The following TMPRSS12 variants were observed in gnomAD, a reference collection of about 807,000 sequenced individuals.
TMPRSS12 encodes the protein transmembrane protease serine 12.
Under a neutral mutation model 26.0 loss-of-function variants are expected in TMPRSS12, and 25 were observed. That is an observed-to-expected ratio of 0.96 (90% confidence interval 0.70 to 1.34). The LOEUF is 1.34. Ranked by LOEUF, TMPRSS12 falls within the 40% of genes most tolerant of loss-of-function variation. TMPRSS12 has a pLI of 0.00. For missense variants in TMPRSS12, 441 were observed against 440.1 expected (o/e 1.00, Z -0.02); for synonymous variants, 150 against 161.7 (o/e 0.93, Z 0.55).
intron 2 of TMPRSS12, among the ~76,000 whole-genome samples, chr12:50,852,526 T>G (rs1375841124): frequency 6.6e-6 from 1 of 152,182 alleles, no homozygotes; most frequent in Non-Finnish European, 1.5e-5. Context: ...TTCTCCTACA[T>G]CAGCCTCCCC....
At chr12:50,865,030 T>C (rs1389409646) in intron 3 of TMPRSS12, among the ~76,000 whole-genome samples, 1 of 152,104 alleles carries the variant, frequency 6.6e-6, no homozygotes, top group African/African-American at 2.4e-5. Context: ...TAATTGCTAG[T>C]ATTTAAAACT....
rs1565938763 is a variant in TMPRSS12 at position 50,885,322 on chromosome 12, TGGGGG to T, written c.730_734del (p.Gly244AsnfsTer4). The T allele has an allele frequency of 6.8e-6, 11 of 1,613,776 alleles. No homozygotes were observed. Among genetic ancestry groups the T allele is most frequent in the African/African-American group, 1.3e-5 (1 of 75,038 alleles). ...AGATGTGTAATTCTGAGAGGAGTTA[TGGGGG>T]AATAATTCCTAACACTTCATTTTGT... is the stretch of plus-strand genomic sequence containing the variant. On this transcript the variant is annotated frameshift_variant, in exon 4 of 5. Transcript: ENST00000398458. LOFTEE classifies it high-confidence loss of function.
At chr12:50,850,400 G>A (rs1195075565) in intron 2 of TMPRSS12, among the ~76,000 whole-genome samples, 2 of 152,112 alleles carry the variant, frequency 1.3e-5, no homozygotes, top group Admixed American at 6.5e-5. Context: ...GCAAAATGGC[G>A]AGACCCTGTC....
At position 50,887,682 on chromosome 12, in the gene TMPRSS12, A is replaced by G. The variant is rs913064653; in HGVS notation, c.*169A>G. ...ACAGATATACAATTGTAATTTTGGC[A>G]CTGAATCACATGTCTCCTTGAAATA... On this transcript the variant is annotated 3_prime_UTR_variant, in exon 5 of 5. Transcript: ENST00000398458. 1.4e-6 allele frequency: 1 copy of G among 722,006 alleles called. No individual in the cohort carries two copies. The allele number at this position is 722,006 out of a possible 1,614,324, so 44.7% of individuals were successfully genotyped here.
rs1348859876 is a variant in TMPRSS12, at chr12:50,843,848, G to C, written c.194G>C (p.Gly65Ala). Residue 65 changes from glycine to alanine, a missense_variant, in exon 2 of 5, where the codon GGA becomes GCA. Physicochemically the swap from Gly to Ala is moderately conservative, Grantham distance 60. Transcript: ENST00000398458. ...ATATCATTTTTATTTTTAGATTGTG[G>C]AACAGCACCGCTTAAGGATGTGTTG... ...REGGAHAEDC[G>A]TAPLKDVLQG... is the part of the protein sequence containing the mutation. 6.4e-7 allele frequency: 1 copy of C among 1,552,312 alleles called. No homozygotes were observed. The highest frequency in any genetic ancestry group is 8.7e-7 in the Non-Finnish European group (1 of 1,148,002).
chr12:50,846,317 T>G (rs1485373976), intron 2 of TMPRSS12, among the ~76,000 whole-genome samples: 3 of 152,200 alleles, frequency 2.0e-5, no homozygotes, highest in Non-Finnish European at 4.4e-5. Flanking sequence ...CATTTTTGCA[T>G]AAGGTATCAG....
chr12:50,873,512 T>C (rs1938086335), intron 3 of TMPRSS12, among the ~76,000 whole-genome samples: 1 of 151,942 alleles, frequency 6.6e-6, no homozygotes, highest in African/African-American at 2.4e-5. Flanking sequence ...AAAAGAAATA[T>C]CAGAAAGAAT....
At chr12:50,877,091 A>T (rs527907548) in intron 3 of TMPRSS12, among the ~76,000 whole-genome samples, 1 of 152,192 alleles carries the variant, frequency 6.6e-6, no homozygotes, top group Admixed American at 6.5e-5. Context: ...CTAAAAAGCT[A>T]ATTTGGGGGT....
At chr12:50,848,298 C>T (rs1009030068) in intron 2 of TMPRSS12, 1 of 152,132 alleles carries the variant, frequency 6.6e-6, no homozygotes, top group Non-Finnish European at 1.5e-5. Flanking sequence ...CCCTCATCGA[C>T]TTCCTGCTGG....
chr12:50,858,193 C>A (rs1937899976), intron 2 of TMPRSS12, among the ~76,000 whole-genome samples: 1 of 152,054 alleles, frequency 6.6e-6, no homozygotes, highest in Non-Finnish European at 1.5e-5. Flanking sequence ...ATGTTTCATT[C>A]CAGTAAGTTT....
intron 3 of TMPRSS12, among the ~76,000 whole-genome samples, chr12:50,884,980 G>T (rs1938210875): frequency 6.6e-6 from 1 of 152,066 alleles, no homozygotes; most frequent in Admixed American, 6.6e-5. Context: ...GGAGGCAGAG[G>T]TTGCAGTGAG....
chr12:50,881,879 G>C (rs1428118371), intron 3 of TMPRSS12, among the ~76,000 whole-genome samples: 1 of 146,998 alleles, frequency 6.8e-6, no homozygotes, highest in East Asian at 2.0e-4. Context: ...GCTGGGGCAG[G>C]AGAATCACTT....
At chr12:50,853,552 T>A (rs1221216243) in intron 2 of TMPRSS12, among the ~76,000 whole-genome samples, 5 of 49,064 alleles carry the variant, frequency 1.0e-4, no homozygotes, top group African/African-American at 1.6e-4. Flanking sequence ...AAAGAATAAA[T>A]AAGATTGATA....
At chr12:50,877,168 C>T (rs1388361576) in intron 3 of TMPRSS12, among the ~76,000 whole-genome samples, 2 of 152,118 alleles carry the variant, frequency 1.3e-5, no homozygotes, top group Non-Finnish European at 2.9e-5. Flanking sequence ...AAAACCTCAG[C>T]ATCATGCATA....
rs150132166 is a variant in TMPRSS12, at chr12:50,850,817, C to T, written c.383+6780C>T. On this transcript the variant is annotated intron_variant, in intron 2 of 4. Transcript: ENST00000398458. ...GCATCCCTCATTGCAGCCTTGTTGC[C>T]GGTGGACCAGGAACACCTCAGGTCT... Among the ~76,000 whole-genome samples the T allele has an allele frequency of 2.7e-3, 405 of 152,250 alleles. 2 individuals carry two copies. Among genetic ancestry groups the T allele is most frequent in the African/African-American group, 9.1e-3 (378 of 41,554 alleles).
chr12:50,848,483 G>C (rs10459238), intron 2 of TMPRSS12, among the ~76,000 whole-genome samples: 54,761 of 152,092 alleles, frequency 0.36, 10,411 homozygotes, highest in African/African-American at 0.5. Flanking sequence ...TCTCTGAAGG[G>C]ATTGTTTTTG....
At chr12:50,849,801 C>T (rs1310865435) in intron 2 of TMPRSS12, among the ~76,000 whole-genome samples, 1 of 151,720 alleles carries the variant, frequency 6.6e-6, no homozygotes, top group Non-Finnish European at 1.5e-5. Flanking sequence ...TCTTAAAGTA[C>T]AGTTCTGTGA....
intron 2 of TMPRSS12, among the ~76,000 whole-genome samples, chr12:50,855,002 C>T (rs1157242213): frequency 6.6e-6 from 1 of 152,014 alleles, no homozygotes; most frequent in African/African-American, 2.4e-5. Flanking sequence ...CCCAAATAGC[C>T]AAAGGAATCC....
chr12:50,843,747 A>G (rs1937736622), intron 1 of TMPRSS12, 95 bp from the exon 2 acceptor site: 1 of 1,290,128 alleles, frequency 7.8e-7, no homozygotes, highest in East Asian at 2.7e-5. Flanking sequence ...TGTTTTTAAC[A>G]TAGGAATTTA....
Sources: allele counts gnomAD v4.1 joint callset (sites outside exome capture counted in the v4.1 genomes callset), GRCh38; gene constraint gnomAD v4.1.1; transcripts MANE v1.5; gene names NCBI Gene and HGNC (gene_info 2026-07-23, HGNC 2026-07-21).